The following CFLAR variants were observed in gnomAD, a reference collection of about 807,000 sequenced individuals.
CFLAR encodes CASP8 and FADD like apoptosis regulator, also known as CASP8 and FADD-like apoptosis regulator.
In CFLAR, 14 loss-of-function variants were observed where a neutral mutation model predicts 51.1. The observed-to-expected ratio is 0.27, with a 90% CI of 0.18 to 0.43. The LOEUF (loss-of-function observed/expected upper bound fraction) is 0.43. CFLAR is among the 20% of genes least tolerant of loss of function. The pLI is 1.00. For missense variants in CFLAR, 390 were observed against 566.5 expected (o/e 0.69, Z 3.16); for synonymous variants, 210 against 211.6 (o/e 0.99, Z 0.06).
In CFLAR at chr2:201,171,507, C is replaced by T. The variant is rs1023320657; in HGVS notation, c.*7534C>T. On this transcript the variant is annotated 3_prime_UTR_variant, in exon 10 of 10. Transcript: ENST00000309955. ...ACACACTGGGGCCTGATGCAGGGGC[C>T]GTAGCGGGGAGAGCATCAGGATAAC... 12 of 152,112 alleles carry T rather than the reference C, an allele frequency of 7.9e-5. No homozygotes were observed. Among genetic ancestry groups the T allele is most frequent in the African/African-American group, 2.4e-4 (10 of 41,480 alleles). The allele number at this position is 152,112 out of a possible 1,614,324, so 9.4% of individuals were successfully genotyped here. A position where few individuals can be genotyped will look rare whatever the true frequency, so the allele number is the denominator to read the frequency against.
chr2:201,140,012 A>C, intron 4 of CFLAR: 1 of 309,152 alleles, frequency 3.2e-6, no homozygotes, highest in South Asian at 2.4e-5. Flanking sequence ...GCTGCTGCTG[A>C]TAGGTAGTCC....
At chr2:201,129,629 T>G in intron 1 of CFLAR, 100 bp from the exon 2 acceptor site, 1 of 523,414 alleles carries the variant, frequency 1.9e-6, no homozygotes, top group East Asian at 2.8e-5. Flanking sequence ...TTAATCTACT[T>G]AAGTCAGGGA....
rs955897683 is a variant in CFLAR, at chr2:201,176,282, G to A, written c.*12309G>A. Reference sequence around the variant, plus strand: ...AGTCTCAGGTGTTTTCTATTGCGGGGGGGGGGGGCGGGCGGGGGAGCTGCC... The same window carrying A: ...AGTCTCAGGTGTTTTCTATTGCGGGAGGGGGGGGCGGGCGGGGGAGCTGCC... On this transcript the variant is annotated 3_prime_UTR_variant, in exon 10 of 10. Coordinates refer to ENST00000309955, the MANE Select transcript of CFLAR (RefSeq NM_003879.7). 1 of 127,040 alleles carries A rather than the reference G, an allele frequency of 7.9e-6. No individual in the cohort carries two copies. The highest frequency in any genetic ancestry group is 3.1e-5 in the African/African-American group (1 of 31,752). The allele number at this position is 127,040 out of a possible 1,614,324, so 7.9% of individuals were successfully genotyped here. A position where few individuals can be genotyped will look rare whatever the true frequency, so the allele number is the denominator to read the frequency against.
intron 2 of CFLAR, 187 bp from the exon 3 acceptor site, chr2:201,132,842 T>C: frequency 2.2e-6 from 1 of 458,202 alleles, no homozygotes; most frequent in Non-Finnish European, 3.8e-6. Context: ...ACAAGTTCCC[T>C]TTTCTGAGGT....
intron 1 of CFLAR, chr2:201,129,360 C>CT (rs1195262821): frequency 5.9e-6 from 1 of 168,296 alleles, no homozygotes; most frequent in Non-Finnish European, 1.3e-5. Context: ...GCTTTTCCCA[C>CT]TTCCTTCTAC....
Position 201,118,795 on chromosome 2 carries a change from G to C in CFLAR, c.-138+2314G>C, listed in dbSNP as rs2047871731. ...GTCCTTGTTCCTCGTCCCATCTGGAGCATTTCCAATTCTGGTTTTGCGGAG... is the reference window on the plus strand; with the variant it reads ...GTCCTTGTTCCTCGTCCCATCTGGACCATTTCCAATTCTGGTTTTGCGGAG... On this transcript the variant is annotated intron_variant, in intron 1 of 9. Transcript: ENST00000309955. The surrounding 1 kb of genome is among the most constrained non-coding windows in gnomAD (Gnocchi z 5.1). 1 of 152,378 alleles carries C rather than the reference G, an allele frequency of 6.6e-6. No individual in the cohort carries two copies. Among genetic ancestry groups the C allele is most frequent in the Non-Finnish European group, 1.5e-5 (1 of 68,136 alleles). The allele number at this position is 152,378 out of a possible 1,614,324, so 9.4% of individuals were successfully genotyped here.
rs1454387550 is a variant in CFLAR, at chr2:201,124,082, A to G, written c.-137-5647A>G. Among the ~76,000 whole-genome samples, 1 of 152,226 alleles carries G rather than the reference A, an allele frequency of 6.6e-6. No individual in the cohort carries two copies. Among genetic ancestry groups the G allele is most frequent in the Admixed American group, 6.5e-5 (1 of 15,280 alleles). ...TGCCATACGATGACCTTGCTTCACT[A>G]GAGAAGCAGTAGAAAGAAGGGAATG... On this transcript the variant is annotated intron_variant, in intron 1 of 9. Coordinates refer to ENST00000309955, the MANE Select transcript of CFLAR (RefSeq NM_003879.7). This position sits in a 1 kb window ranked among gnomAD's most constrained non-coding sequence, Gnocchi z 4.7.
At chr2:201,149,882 A>C in intron 8 of CFLAR, 47 bp downstream of exon 8, 44 of 1,380,880 alleles carry the variant, frequency 3.2e-5, no homozygotes, top group Non-Finnish European at 4.0e-5. Context: ...GATTGAGATC[A>C]TGGCACAGGC....
At chr2:201,144,314 A>G (rs1158294631) in intron 5 of CFLAR, 1 of 152,256 alleles carries the variant, frequency 6.6e-6, no homozygotes, top group Non-Finnish European at 1.5e-5. Context: ...TGAGAAGAGA[A>G]AGGGTCGGTT....
intron 5 of CFLAR, among the ~76,000 whole-genome samples, chr2:201,140,891 ACCATGC>A (rs1938622850): frequency 6.6e-6 from 1 of 152,150 alleles, no homozygotes; most frequent in Non-Finnish European, 1.5e-5. Flanking sequence ...AAATAGATGC[ACCATGC>A]CTATGGAAAA....
chr2:201,135,089 C>T (rs1286433536), intron 3 of CFLAR, among the ~76,000 whole-genome samples: 1 of 152,162 alleles, frequency 6.6e-6, no homozygotes, highest in African/African-American at 2.4e-5. Flanking sequence ...TCTGAAATAT[C>T]GTTCGTTCAT....
In CFLAR at chr2:201,163,769, C is replaced by T. The variant is rs961572729; in HGVS notation, c.1305-66C>T. The T allele has an allele frequency of 9.6e-6, 15 of 1,557,048 alleles. No homozygotes were observed. In the South Asian group the frequency reaches 1.5e-4, roughly 15 times the overall value. ...CTTTCACATCTGTTGGCTCATTTCG[C>T]CCTAATGACAGTCTTCTCTTTGATA... On this transcript the variant is annotated intron_variant, in intron 9 of 9. Coordinates refer to ENST00000309955, the MANE Select transcript of CFLAR (RefSeq NM_003879.7).
At chr2:201,144,573 C>T (rs1310979461) in intron 5 of CFLAR, among the ~76,000 whole-genome samples, 1 of 152,198 alleles carries the variant, frequency 6.6e-6, no homozygotes, top group African/African-American at 2.4e-5. Context: ...TGAAGAAACA[C>T]ACATACAGAA....
chr2:201,140,460 T>G (rs558492180), intron 5 of CFLAR, 21 bp downstream of exon 5: 1 of 1,564,230 alleles, frequency 6.4e-7, no homozygotes, highest in South Asian at 1.2e-5. Flanking sequence ...AGAAAACATA[T>G]GGAATCCCAG....
In CFLAR at chr2:201,169,093, A is replaced by G. The variant is rs1473489607; in HGVS notation, c.*5120A>G. The G allele has an allele frequency of 6.6e-6, 1 of 152,220 alleles. No homozygotes were observed. The highest frequency in any genetic ancestry group is 1.9e-4 in the East Asian group (1 of 5,208). 9.4% of individuals were successfully genotyped at this position (152,220 alleles called of 1,614,324 possible). A position where few individuals can be genotyped will look rare whatever the true frequency, so the allele number is the denominator to read the frequency against. The stretch of plus-strand genomic sequence containing the variant: ...TTAAACTACTATTGACATTCTTCAC[A>G]GAATTAGAAAAAAACTACTTTAAAA... On this transcript the variant is annotated 3_prime_UTR_variant, in exon 10 of 10. Coordinates refer to ENST00000309955, the MANE Select transcript of CFLAR (RefSeq NM_003879.7).
rs904331541 is a variant in CFLAR, at chr2:201,172,711, G to A, written c.*8738G>A. 9.9e-5 allele frequency: 15 copies of A among 152,190 alleles called. No homozygotes were observed. The highest frequency in any genetic ancestry group is 2.7e-4 in the African/African-American group (11 of 41,438). 9.4% of individuals were successfully genotyped at this position (152,190 alleles called of 1,614,324 possible). A position where few individuals can be genotyped will look rare whatever the true frequency, so the allele number is the denominator to read the frequency against. On this transcript the variant is annotated 3_prime_UTR_variant, in exon 10 of 10. Transcript: ENST00000309955. ...TTAGCATGTTTCAAGGTTCATCTAT[G>A]CTATAGAGTGTACCAGTGCTTCATT...
rs554980852 is a variant in CFLAR at position 201,147,161 on chromosome 2, A to G, written c.661+1729A>G. ...TACAGATGAGGTAAGTGAGAATCCA[A>G]ATATCCCTATGATCCTGTTAGGAGA... On this transcript the variant is annotated intron_variant, in intron 6 of 9. Coordinates refer to ENST00000309955, the MANE Select transcript of CFLAR (RefSeq NM_003879.7). 7.9e-5 allele frequency among the ~76,000 whole-genome samples: 12 copies of G among 152,334 alleles called. No homozygotes were observed. In the South Asian group the frequency reaches 2.5e-3, roughly 32 times the overall value.
rs749810080 is a variant in CFLAR at position 201,160,814 on chromosome 2, G to A, written c.1176G>A (p.Leu392=). 14 of 1,614,132 alleles carry A rather than the reference G, an allele frequency of 8.7e-6. No homozygotes were observed. The highest frequency in any genetic ancestry group is 2.5e-6 in the Non-Finnish European group (3 of 1,179,986). ...NVEFKAQKRG[L]CTVHREADFF... ...AATTCAAGGCTCAGAAGCGAGGGCT[G>A]TGCACAGTTCACCGAGAAGCTGACT... is the stretch of plus-strand genomic sequence containing the variant. Residue 392 remains leucine (L), a synonymous_variant, in exon 9 of 10, where the codon CTG becomes CTA. Coordinates refer to ENST00000309955, the MANE Select transcript of CFLAR (RefSeq NM_003879.7).
intron 1 of CFLAR, among the ~76,000 whole-genome samples, chr2:201,122,324 T>G (rs1171579219): frequency 6.6e-6 from 1 of 152,250 alleles, no homozygotes; most frequent in African/African-American, 2.4e-5. Context: ...AGCATTGTTA[T>G]CTCATGTAGC....
Sources: allele counts gnomAD v4.1 joint callset (sites outside exome capture counted in the v4.1 genomes callset), GRCh38; gene constraint gnomAD v4.1.1; non-coding constraint Gnocchi (gnomAD v3.1); transcripts MANE v1.5; gene names NCBI Gene and HGNC (gene_info 2026-07-23, HGNC 2026-07-21).